The following TNS1 variants were observed in gnomAD, a reference collection of about 807,000 sequenced individuals.
The protein encoded by TNS1 is tensin-1.
TNS1 carries 62 observed loss-of-function variants against 168.6 expected under a neutral mutation model. That is an observed-to-expected ratio of 0.37 (90% CI 0.30 to 0.45). The LOEUF (loss-of-function observed/expected upper bound fraction) is 0.45. Ranked by LOEUF, TNS1 falls within the 20% of genes least tolerant of loss-of-function variation. TNS1 has a pLI of 1.00. For synonymous variants in TNS1, 934 were observed against 933.2 expected, an observed-to-expected ratio of 1.00 and a Z score of -0.02; for missense variants, 2,240 against 2,339.4, an observed-to-expected ratio of 0.96 and a Z score of 0.88.
chr2:217,960,865 C>T (rs988375250), intron 3 of TNS1, among the ~76,000 whole-genome samples: 1 of 152,138 alleles, frequency 6.6e-6, no homozygotes, highest in Non-Finnish European at 1.5e-5. Context: ...ACCTGGTTAC[C>T]CTCAGTGACT....
At chr2:218,019,261 C>T (rs1303497281) in intron 1 of TNS1, among the ~76,000 whole-genome samples, 1 of 152,134 alleles carries the variant, frequency 6.6e-6, no homozygotes, top group Non-Finnish European at 1.5e-5. Flanking sequence ...AGAGCTGGAT[C>T]TCCCAGAAAG....
At chr2:217,934,878 T>C (rs1189247419) in intron 3 of TNS1, among the ~76,000 whole-genome samples, 1 of 152,170 alleles carries the variant, frequency 6.6e-6, no homozygotes, top group African/African-American at 2.4e-5. Context: ...AGCCTCTCTG[T>C]TCAGAAAGAT....
At chr2:217,973,944 A>G (rs1957830692) in intron 3 of TNS1, among the ~76,000 whole-genome samples, 1 of 152,252 alleles carries the variant, frequency 6.6e-6, no homozygotes, top group African/African-American at 2.4e-5. Context: ...GGAATACAAC[A>G]TAGCAATTAA....
Position 217,925,229 on chromosome 2 carries a change from G to A in TNS1, c.187-4993C>T, listed in dbSNP as rs61088813. 2.0e-3 allele frequency among the ~76,000 whole-genome samples: 303 copies of A among 151,672 alleles called. 1 individual carries two copies. The highest frequency in any genetic ancestry group is 6.6e-3 in the African/African-American group (274 of 41,370). On this transcript the variant is annotated intron_variant, in intron 3 of 32. Coordinates refer to ENST00000682258, the MANE Select transcript of TNS1 (RefSeq NM_001387777.1). ...ATGTAAATAAATCTTTTTTTTGTGCGTGTGGCCTGTGGACTCCAGGCATTT... is the reference window on the plus strand; with the variant it reads ...ATGTAAATAAATCTTTTTTTTGTGCATGTGGCCTGTGGACTCCAGGCATTT...
chr2:218,006,497 T>A (rs575347718), upstream of TNS1, among the ~76,000 whole-genome samples: 2 of 152,260 alleles, frequency 1.3e-5, no homozygotes, highest in Non-Finnish European at 2.9e-5. Flanking sequence ...AAGCCTTTCC[T>A]TTGTCACCAC....
chr2:217,808,685 A>G lies in TNS1; in HGVS notation c.5274-14T>C, dbSNP rs781599472. 1.2e-6 allele frequency: 2 copies of G among 1,613,730 alleles called. No homozygotes were observed. The highest frequency in any genetic ancestry group is 2.2e-5 in the South Asian group (2 of 91,034). On this transcript the variant is annotated splice_polypyrimidine_tract_variant and intron_variant, in intron 30 of 32. Coordinates refer to ENST00000682258, the MANE Select transcript of TNS1 (RefSeq NM_001387777.1). Reference sequence around the variant, plus strand: ...CTGAAAAAGAGCCTGCAGCACAGACATCAGATAAACAGAGAATGAGTGCTG... The same window carrying G: ...CTGAAAAAGAGCCTGCAGCACAGACGTCAGATAAACAGAGAATGAGTGCTG...
At chr2:217,991,547 C>T (rs1386301623) in intron 1 of TNS1, among the ~76,000 whole-genome samples, 2 of 152,134 alleles carry the variant, frequency 1.3e-5, no homozygotes, top group Non-Finnish European at 2.9e-5. Flanking sequence ...TAAACCTCCT[C>T]AAGATGGAAT....
At chr2:217,952,868 C>T (rs950709408) in intron 3 of TNS1, among the ~76,000 whole-genome samples, 4 of 152,206 alleles carry the variant, frequency 2.6e-5, no homozygotes, top group African/African-American at 7.2e-5. Context: ...AATCAAGGCT[C>T]ACAAAATGTT....
chr2:217,936,001 T>C lies in TNS1; in HGVS notation c.187-15765A>G, dbSNP rs1026987846. 2.6e-5 allele frequency among the ~76,000 whole-genome samples: 4 copies of C among 152,156 alleles called. No individual in the cohort carries two copies. The East Asian group carries it at 7.7e-4, about 29-fold the overall frequency. The stretch of plus-strand genomic sequence containing the variant: ...GGAAATAAACGCTGCTGAAATTCCC[T>C]CTTCTTCATCAACACACAGTCCCTG... On this transcript the variant is annotated intron_variant, in intron 3 of 32. Transcript: ENST00000682258.
At position 217,847,883 on chromosome 2, in the gene TNS1, G is replaced by A. The variant is rs1364641; in HGVS notation, c.2634C>T (p.Ser878=). The change falls in exon 19 of 33, where the codon TCC becomes TCT. Residue 878 remains serine (S), a synonymous_variant. Transcript: ENST00000682258. ...PLSSQPLSGS[S]RQSHPLTQSR... ...ACTGGGTCAGTGGATGGGACTGACG[G>A]GAGGATCCAGAGAGGGGCTGGGAGG... The A allele has an allele frequency of 0.34, 525,528 of 1,556,772 alleles. 92,978 individuals are homozygous for A. The highest frequency in any genetic ancestry group is 0.59 in the African/African-American group (43,584 of 73,798).
chr2:218,009,408 C>T (rs1379697378), intron 1 of TNS1, among the ~76,000 whole-genome samples: 3 of 152,014 alleles, frequency 2.0e-5, no homozygotes, highest in Non-Finnish European at 4.4e-5. Context: ...GTTACACACA[C>T]GCTGAAGGCA....
chr2:217,860,416 C>T (rs560572287), intron 18 of TNS1, among the ~76,000 whole-genome samples: 23 of 152,276 alleles, frequency 1.5e-4, no homozygotes, highest in Admixed American at 1.1e-3. Context: ...GGAGGGGAAG[C>T]AGAGGGGTTC....
At position 217,886,611 on chromosome 2, in the gene TNS1, G is replaced by A. The variant is rs1317230547; in HGVS notation, c.902C>T (p.Ser301Phe). 5.6e-6 allele frequency: 9 copies of A among 1,599,124 alleles called. No individual in the cohort carries two copies. In the African/African-American group the frequency reaches 1.2e-4, roughly 21 times the overall value. The change falls in exon 13 of 33, where the codon TCC becomes TTC. Residue 301 changes from serine (S) to phenylalanine (F), a missense_variant. This residue lies in a region of TNS1 where 2,131 missense variants were observed against 2,171.2 expected (regional missense o/e 0.98). Transcript: ENST00000682258. ...VHYFSGLLSGSIKMNNKPLFL... is the reference protein window; with the variant it reads ...VHYFSGLLSGFIKMNNKPLFL... ...CAAGGGCTTGTTGTTCATTTTGATG[G>A]AGCCGGAGAGCAGGCCACTGAAGTA... is the stretch of plus-strand genomic sequence containing the variant.
At chr2:217,920,834 T>C (rs952454274) in intron 3 of TNS1, among the ~76,000 whole-genome samples, 1 of 152,054 alleles carries the variant, frequency 6.6e-6, no homozygotes, top group African/African-American at 2.4e-5. Context: ...CTAACACATG[T>C]GGAAGGCTTG....
At chr2:217,917,130 T>G (rs568715823) in intron 4 of TNS1, among the ~76,000 whole-genome samples, 1 of 152,300 alleles carries the variant, frequency 6.6e-6, no homozygotes, top group South Asian at 2.1e-4. Flanking sequence ...CCAGGGACAG[T>G]AGCAGAGCTT....
chr2:217,964,523 C>T (rs1490389516), intron 3 of TNS1, among the ~76,000 whole-genome samples: 4 of 152,186 alleles, frequency 2.6e-5, no homozygotes, highest in Admixed American at 2.6e-4. Context: ...TCCTCTGTGC[C>T]CTAGCGATTA....
chr2:217,822,988 G>A (rs35949566), intron 22 of TNS1, among the ~76,000 whole-genome samples: 12,390 of 152,202 alleles, frequency 0.081, 528 homozygotes, highest in South Asian at 0.11. Flanking sequence ...GAGCCATACT[G>A]CCCACAACTA....
At chr2:218,007,462 C>T (rs1958668174), upstream of TNS1, among the ~76,000 whole-genome samples, 1 of 150,728 alleles carries the variant, frequency 6.6e-6, no homozygotes. Flanking sequence ...AATGTTCTTA[C>T]AGCAATACGG....
At chr2:217,895,161 T>A in intron 8 of TNS1, 105 bp from the exon 9 acceptor site, 3 of 1,155,608 alleles carry the variant, frequency 2.6e-6, no homozygotes, top group Non-Finnish European at 3.8e-6. Context: ...CGTGGCATCA[T>A]TGCCAACTTC....
Sources: gnomAD v4.1 joint callset for allele counts (sites outside exome capture counted in the v4.1 genomes callset) on GRCh38, gnomAD v4.1.1 for gene constraint, gnomAD v4.1.1 regional missense constraint, MANE v1.5 for transcripts, NCBI Gene and HGNC (gene_info 2026-07-23, HGNC 2026-07-21) for gene names.